The following KCTD14 variants were observed in gnomAD, a reference collection of about 807,000 sequenced individuals.
The protein encoded by KCTD14 is BTB/POZ domain-containing protein KCTD14.
A neutral mutation model predicts 5.9 loss-of-function variants in KCTD14; 7 were observed. The ratio of observed to expected loss-of-function variants is 1.19; its 90% CI spans 0.68 to 2.23. The LOEUF (loss-of-function observed/expected upper bound fraction) is 2.23, where lower values mean the gene tolerates loss of function less well. KCTD14 is among the 30% of genes most tolerant of loss of function. The pLI is 0.00. For missense variants in KCTD14, 342 were observed against 332.2 expected (o/e 1.03, Z -0.23); for synonymous variants, 140 against 133.1 (o/e 1.05, Z -0.36).
At chr11:78,034,763 C>G (rs1025575374) in intron 2 of KCTD14, among the ~76,000 whole-genome samples, 1 of 152,266 alleles carries the variant, frequency 6.6e-6, no homozygotes, top group African/African-American at 2.4e-5. Flanking sequence ...CTGCTCACCG[C>G]GGCCTCAGTG....
At chr11:78,038,606 C>T (rs895826953) in intron 2 of KCTD14, 1 of 1,527,770 alleles carries the variant, frequency 6.5e-7, no homozygotes. Flanking sequence ...TGAACAGCTT[C>T]TCCACCATCT....
intron 1 of KCTD14, among the ~76,000 whole-genome samples, chr11:78,040,678 T>A (rs1039966842): frequency 2.7e-5 from 4 of 150,914 alleles, no homozygotes; most frequent in Non-Finnish European, 4.4e-5. Flanking sequence ...TTTATTATTT[T>A]TTTTTTTTTG....
At chr11:78,035,407 T>C (rs2136747182) in intron 2 of KCTD14, among the ~76,000 whole-genome samples, 1 of 152,208 alleles carries the variant, frequency 6.6e-6, no homozygotes, top group South Asian at 2.1e-4. Flanking sequence ...CTTCTGAAGG[T>C]CCCAGCCCGT....
intron 1 of KCTD14, among the ~76,000 whole-genome samples, chr11:78,045,393 A>G (rs1858106498): frequency 6.6e-6 from 1 of 152,166 alleles, no homozygotes; most frequent in Non-Finnish European, 1.5e-5. Context: ...TACGATAGTG[A>G]TGTTATCTGC....
chr11:78,016,193 A>G lies in KCTD14; in HGVS notation c.*400T>C, dbSNP rs1261549270. 3 of 227,924 alleles carry G rather than the reference A, an allele frequency of 1.3e-5. No individual in the cohort carries two copies. In the Admixed American group the frequency reaches 1.6e-4, roughly 12 times the overall value. 14.1% of individuals were successfully genotyped at this position (227,924 alleles called of 1,614,324 possible). ...CTACATGAAGGCACATGCCAGGGAC[A>G]GATGGATTGGACCCCAAGCTGGGGC... On this transcript the variant is annotated 3_prime_UTR_variant, in exon 2 of 2. Transcript: ENST00000353172.
upstream of KCTD14, among the ~76,000 whole-genome samples, chr11:78,024,372 T>C (rs1857387056): frequency 1.0e-5 from 1 of 99,568 alleles, no homozygotes; most frequent in African/African-American, 4.2e-5. Context: ...GCAACAAAGA[T>C]TCCCTCTCAA....
intron 2 of KCTD14, chr11:78,038,599 A>T (rs1857889391): frequency 6.6e-7 from 1 of 1,520,968 alleles, no homozygotes; most frequent in African/African-American, 1.4e-5. Flanking sequence ...CCCCAAGTGA[A>T]CAGCTTCTCC....
intron 1 of KCTD14, among the ~76,000 whole-genome samples, chr11:78,018,638 C>G (rs1276348566): frequency 6.6e-6 from 1 of 151,562 alleles, no homozygotes; most frequent in Non-Finnish European, 1.5e-5. Context: ...ACCCAGGAGG[C>G]AGAGGTTACA....
At chr11:78,042,978 G>A (rs1205789466) in intron 1 of KCTD14, among the ~76,000 whole-genome samples, 1 of 152,230 alleles carries the variant, frequency 6.6e-6, no homozygotes, top group Admixed American at 6.5e-5. Context: ...CATGTTGCCT[G>A]CTTCTTTACT....
chr11:78,039,134 T>G (rs1054147474), intron 1 of KCTD14, among the ~76,000 whole-genome samples: 1 of 151,692 alleles, frequency 6.6e-6, no homozygotes, highest in African/African-American at 2.4e-5. Flanking sequence ...GAACTGAATT[T>G]CAAGAGGACC....
Position 78,016,503 on chromosome 11 carries a change from T to G in KCTD14, c.*90A>C. 1.7e-6 allele frequency: 2 copies of G among 1,159,648 alleles called. No homozygotes were observed. The highest frequency in any genetic ancestry group is 2.4e-6 in the Non-Finnish European group (2 of 817,178). 71.8% of individuals were successfully genotyped at this position (1,159,648 alleles called of 1,614,324 possible). ...TAGACCAACCCTGGAAATTGCCTGATGTTTGTGAAATTAAAAGAAAATGGC... is the reference window on the plus strand; with the variant it reads ...TAGACCAACCCTGGAAATTGCCTGAGGTTTGTGAAATTAAAAGAAAATGGC... On this transcript the variant is annotated 3_prime_UTR_variant, in exon 2 of 2. Transcript: ENST00000353172.
upstream of KCTD14, among the ~76,000 whole-genome samples, chr11:78,028,253 C>G (rs1857519216): frequency 1.3e-5 from 2 of 152,062 alleles, no homozygotes; most frequent in Non-Finnish European, 2.9e-5. Flanking sequence ...ACCAGTACTC[C>G]TCAAAACTAT....
chr11:78,045,519 C>G (rs1046374374), intron 1 of KCTD14, among the ~76,000 whole-genome samples: 2 of 152,152 alleles, frequency 1.3e-5, no homozygotes, highest in East Asian at 1.9e-4. Flanking sequence ...CCTGGTTGGT[C>G]TTTCATTAGC....
chr11:78,018,237 T>C (rs1857222959), intron 1 of KCTD14, among the ~76,000 whole-genome samples: 1 of 151,898 alleles, frequency 6.6e-6, no homozygotes, highest in African/African-American at 2.4e-5. Context: ...CTCAGTTTCC[T>C]CATCTATAAA....
At chr11:78,036,311 T>C (rs1215316533) in intron 2 of KCTD14, among the ~76,000 whole-genome samples, 2 of 152,238 alleles carry the variant, frequency 1.3e-5, no homozygotes, top group Non-Finnish European at 2.9e-5. Context: ...GCTGTACACT[T>C]GACAGTCTCA....
chr11:78,030,487 C>T (rs1158568994), intron 2 of KCTD14, among the ~76,000 whole-genome samples: 1 of 152,194 alleles, frequency 6.6e-6, no homozygotes, highest in Non-Finnish European at 1.5e-5. Flanking sequence ...CTGAGATGGT[C>T]TCTGTGATCC....
At chr11:78,036,930 C>T (rs1011334937) in intron 2 of KCTD14, among the ~76,000 whole-genome samples, 1 of 152,232 alleles carries the variant, frequency 6.6e-6, no homozygotes, top group Non-Finnish European at 1.5e-5. Flanking sequence ...CAATGCCAGG[C>T]ATTTTACACA....
intron 2 of KCTD14, among the ~76,000 whole-genome samples, chr11:78,032,805 A>T (rs1176499356): frequency 6.6e-6 from 1 of 151,206 alleles, no homozygotes; most frequent in Non-Finnish European, 1.5e-5. Context: ...CTCAGGCTCA[A>T]CCATGTCACC....
In KCTD14 at chr11:78,023,235, G is replaced by T. The variant is rs752574855; in HGVS notation, c.15C>A (p.Cys5Ter). The stretch of plus-strand genomic sequence containing the variant: ...TCCTGCCCACTGGCCGCTCCACTGC[G>T]CAGCCCTGCCACATGCAGATCACTT... The part of the protein sequence containing the change: MWQG[C>*]AVERPVGRMT... The change falls in exon 1 of 2, where the codon TGC becomes TGA. Residue 5 changes from cysteine to a stop codon, truncating the protein, a stop_gained. Coordinates refer to ENST00000353172, the MANE Select transcript of KCTD14 (RefSeq NM_023930.4). LOFTEE classifies it high-confidence loss of function. 9 of 1,608,710 alleles carry T rather than the reference G, an allele frequency of 5.6e-6. No individual in the cohort carries two copies. The highest frequency in any genetic ancestry group is 5.9e-6 in the Non-Finnish European group (7 of 1,179,612).
Sources: gnomAD v4.1 joint callset for allele counts (sites outside exome capture counted in the v4.1 genomes callset) on GRCh38, gnomAD v4.1.1 for gene constraint, MANE v1.5 for transcripts, NCBI Gene and HGNC (gene_info 2026-07-23, HGNC 2026-07-21) for gene names.